The following TRIM14 variants were observed in gnomAD, a reference collection of about 807,000 sequenced individuals.
The protein encoded by TRIM14 is tripartite motif containing 14.
TRIM14 carries 28 observed loss-of-function variants against 44.5 expected under a neutral mutation model. The ratio of observed to expected loss-of-function variants is 0.63; its 90% CI spans 0.47 to 0.86. The LOEUF (loss-of-function observed/expected upper bound fraction) is 0.86, where lower values mean the gene tolerates loss of function less well. TRIM14 is among the 40% of genes least tolerant of loss of function. The pLI is 0.00. For synonymous variants in TRIM14, 299 were observed against 269.2 expected (o/e 1.11, Z -1.08); for missense variants, 607 against 611.1 (o/e 0.99, Z 0.07).
At chr9:98,088,066 C>T in intron 5 of TRIM14, 61 bp from the exon 6 acceptor site, 1 of 1,385,314 alleles carries the variant, frequency 7.2e-7, no homozygotes, top group Non-Finnish European at 9.3e-7. Flanking sequence ...GCCCCGCCCC[C>T]GGGAACCCAC....
chr9:98,114,617 C>T (rs930151923), intron 1 of TRIM14, among the ~76,000 whole-genome samples: 1 of 152,168 alleles, frequency 6.6e-6, no homozygotes, highest in Non-Finnish European at 1.5e-5. Flanking sequence ...CCACCGCACC[C>T]AGCCGACAAT....
At position 98,119,090 on chromosome 9, in the gene TRIM14, C is replaced by G; in HGVS notation, c.99G>C (p.Glu33Asp). The G allele has an allele frequency of 6.3e-7, 1 of 1,586,604 alleles. No individual in the cohort carries two copies. The highest frequency in any genetic ancestry group is 8.5e-7 in the Non-Finnish European group (1 of 1,175,958). The stretch of plus-strand genomic sequence containing the variant: ...AGCGGCGGCAGCGGCGACAGAAGAG[C>G]TCAGCCACGCGGTCGCCATGCTCCG... ...RCPEHGDRVA[E>D]LFCRRCRRCV... The change falls in exon 1 of 6, where the codon GAG becomes GAC. Residue 33 changes from glutamate to aspartate, a missense_variant. Transcript: ENST00000341469.
chr9:98,118,758 T>G (rs1270010480), intron 1 of TRIM14, among the ~76,000 whole-genome samples: 1 of 152,190 alleles, frequency 6.6e-6, no homozygotes, highest in Non-Finnish European at 1.5e-5. Context: ...AACCCACCTT[T>G]TCTGAAGCTC....
At chr9:98,058,750 A>G in the TRIM14 span, among the ~76,000 whole-genome samples, 2 of 152,134 alleles carry the variant, frequency 1.3e-5, no homozygotes, top group Non-Finnish European at 2.9e-5. Flanking sequence ...ACATAGCGAG[A>G]CCCTGTCTCT....
At chr9:98,056,623 C>A in the TRIM14 span, 3 of 880,444 alleles carry the variant, frequency 3.4e-6, no homozygotes, top group Non-Finnish European at 4.8e-6. Flanking sequence ...CCGCCCCCGC[C>A]CCCCGCCCCG....
chr9:98,071,044 CT>C (rs1388019171), intron 6 of TRIM14, among the ~76,000 whole-genome samples: 29 of 151,978 alleles, frequency 1.9e-4, no homozygotes, highest in Non-Finnish European at 4.4e-5. Context: ...AACTCTGGGC[CT>C]CAAACAGTCT....
intron 6 of TRIM14, chr9:98,078,086 T>C: frequency 2.7e-6 from 4 of 1,505,388 alleles, no homozygotes; most frequent in Non-Finnish European, 3.6e-6. Context: ...TTTTAAGAGA[T>C]GTCTGTGGAG....
intron 5 of TRIM14, among the ~76,000 whole-genome samples, 160 bp from the exon 6 acceptor site, chr9:98,088,165 G>T (rs1364133223): frequency 5.3e-5 from 8 of 152,200 alleles, no homozygotes; most frequent in African/African-American, 2.4e-5. Flanking sequence ...TGCCCCTGGG[G>T]CGGGGTCTTG....
At chr9:98,092,823 C>A (rs1826047222) in intron 4 of TRIM14, among the ~76,000 whole-genome samples, 1 of 152,224 alleles carries the variant, frequency 6.6e-6, no homozygotes, top group South Asian at 2.1e-4. Context: ...GTTTTCTGTA[C>A]GTCGCTTTCC....
At chr9:98,081,936 G>C (rs922395600), downstream of TRIM14, 11 of 152,208 alleles carry the variant, frequency 7.2e-5, no homozygotes, top group African/African-American at 2.4e-4. Flanking sequence ...ACCAGAGTAA[G>C]ATTTATAACA....
At chr9:98,068,211 T>C (rs1829205751), downstream of TRIM14, among the ~76,000 whole-genome samples, 1 of 152,312 alleles carries the variant, frequency 6.6e-6, no homozygotes, top group East Asian at 1.9e-4. Context: ...CTCAGCTCAC[T>C]ACAACCTCCA....
intron 2 of TRIM14, among the ~76,000 whole-genome samples, chr9:98,104,694 C>T (rs1826538019): frequency 6.6e-6 from 1 of 152,148 alleles, no homozygotes; most frequent in Non-Finnish European, 1.5e-5. Flanking sequence ...GAGGGCCTAA[C>T]AGAGTCTAGC....
At chr9:98,041,751 C>T in the TRIM14 span, among the ~76,000 whole-genome samples, 40 of 150,958 alleles carry the variant, frequency 2.6e-4, no homozygotes, top group African/African-American at 8.0e-4. Context: ...GGCACAATCT[C>T]GGCTCACTGC....
At chr9:98,055,645 G>A in the TRIM14 span, among the ~76,000 whole-genome samples, 1 of 152,070 alleles carries the variant, frequency 6.6e-6, no homozygotes, top group Non-Finnish European at 1.5e-5. Flanking sequence ...CTAATCTTGT[G>A]GCTAATTTGT....
At chr9:98,043,350 G>A in the TRIM14 span, among the ~76,000 whole-genome samples, 6 of 152,000 alleles carry the variant, frequency 3.9e-5, no homozygotes, top group Non-Finnish European at 7.4e-5. Flanking sequence ...GCTAATTTTT[G>A]TATTTTTAGT....
chr9:98,045,475 T>C, the TRIM14 span, among the ~76,000 whole-genome samples: 2 of 152,210 alleles, frequency 1.3e-5, no homozygotes, highest in Non-Finnish European at 2.9e-5. Flanking sequence ...TAGCCAACTG[T>C]TTGAACTGTG....
rs561263272 is a variant in TRIM14, at chr9:98,087,626, G to A, written c.1173C>T (p.Leu391=). 17 of 1,604,338 alleles carry A rather than the reference G, an allele frequency of 1.1e-5. No homozygotes were observed. The African/African-American group carries it at 1.6e-4, about 15-fold the overall frequency. The change falls in exon 6 of 6, where the codon CTC becomes CTT. Residue 391 remains leucine, a synonymous_variant. Transcript: ENST00000341469. Reference sequence around the variant, plus strand: ...CGGCCTCGTAGTCCAGGAAGACGCCGAGCCGGTCGAGGTCGTCGCGGGGCC... The same window carrying A: ...CGGCCTCGTAGTCCAGGAAGACGCCAAGCCGGTCGAGGTCGTCGCGGGGCC... ...RLRPRDDLDR[L]GVFLDYEAGV...
intron 4 of TRIM14, among the ~76,000 whole-genome samples, chr9:98,094,640 C>A (rs1826115798): frequency 6.6e-6 from 1 of 152,160 alleles, no homozygotes; most frequent in African/African-American, 2.4e-5. Flanking sequence ...ATCTGAGGGG[C>A]AGAAGCAGGG....
the TRIM14 span, among the ~76,000 whole-genome samples, chr9:98,044,895 C>G: frequency 3.9e-5 from 6 of 152,098 alleles, no homozygotes; most frequent in Admixed American, 3.9e-4. Context: ...GGTGGATTGC[C>G]TGAGCTCAGG....
Sources: gnomAD v4.1 joint callset for allele counts (sites outside exome capture counted in the v4.1 genomes callset) on GRCh38, gnomAD v4.1.1 for gene constraint, MANE v1.5 for transcripts, NCBI Gene and HGNC (gene_info 2026-07-23, HGNC 2026-07-21) for gene names.